Variants in WLS observed in about 807,000 individuals in gnomAD.
WLS encodes the protein Wnt ligand secretion mediator, also known as protein wntless homolog.
Under a neutral mutation model 62.8 loss-of-function variants are expected in WLS, and 23 were observed. The observed-to-expected ratio is 0.37, with a 90% CI of 0.26 to 0.52. The LOEUF is 0.52. Among genes scored for constraint, WLS ranks in the 20% least tolerant of loss-of-function variants. The pLI, the probability that WLS is intolerant of heterozygous loss-of-function variation, is 0.92. For synonymous variants in WLS, 246 were observed against 244.1 expected (o/e 1.01, Z -0.07); for missense variants, 615 against 697.3 (o/e 0.88, Z 1.33).
intron 5 of WLS, among the ~76,000 whole-genome samples, chr1:68,152,127 G>C (rs1302338362): frequency 2.6e-5 from 4 of 152,204 alleles, no homozygotes; most frequent in African/African-American, 9.6e-5. Context: ...GCCTTTTACT[G>C]AAATGGGGAT....
At chr1:68,113,028 A>G (rs1341459663) in intron 11 of WLS, among the ~76,000 whole-genome samples, 2 of 152,160 alleles carry the variant, frequency 1.3e-5, no homozygotes, top group Non-Finnish European at 1.5e-5. Flanking sequence ...CCTTGGCCCC[A>G]TCTTAAAGAA....
At chr1:68,146,119 A>T in intron 8 of WLS, 107 bp from the exon 9 acceptor site, 1 of 1,308,078 alleles carries the variant, frequency 7.6e-7, no homozygotes, top group South Asian at 1.5e-5. Context: ...GTCTCCAAAT[A>T]TGTAGAAAAT....
At chr1:68,189,765 G>A (rs951823693) in intron 2 of WLS, among the ~76,000 whole-genome samples, 2 of 152,156 alleles carry the variant, frequency 1.3e-5, no homozygotes, top group African/African-American at 4.8e-5. Flanking sequence ...TGGGTGCAGT[G>A]GCTCACACCT....
At chr1:68,118,898 A>T in intron 11 of WLS, among the ~76,000 whole-genome samples, 1 of 147,620 alleles carries the variant, frequency 6.8e-6, no homozygotes, top group African/African-American at 2.5e-5. Context: ...AAAAAAAAAA[A>T]AAAAGCACCT....
intron 11 of WLS, among the ~76,000 whole-genome samples, chr1:68,133,937 C>T (rs1487760413): frequency 1.3e-5 from 2 of 152,210 alleles, no homozygotes; most frequent in Non-Finnish European, 2.9e-5. Context: ...GCCCCACACA[C>T]CTGGGATTCA....
At chr1:68,220,948 T>C (rs1381518773) in intron 1 of WLS, among the ~76,000 whole-genome samples, 2 of 152,084 alleles carry the variant, frequency 1.3e-5, no homozygotes, top group African/African-American at 4.8e-5. Context: ...TGCTCATCGA[T>C]CTCCTAAACT....
chr1:68,216,511 C>G (rs1051738401), intron 1 of WLS, among the ~76,000 whole-genome samples: 2 of 152,240 alleles, frequency 1.3e-5, no homozygotes, highest in Non-Finnish European at 2.9e-5. Flanking sequence ...TCTGGCTCCT[C>G]CATTACCCTC....
chr1:68,119,152 G>A (rs1289232822), intron 11 of WLS, among the ~76,000 whole-genome samples: 2 of 151,920 alleles, frequency 1.3e-5, no homozygotes, highest in Non-Finnish European at 2.9e-5. Flanking sequence ...TCATGTTATA[G>A]AAGACAACAC....
intron 11 of WLS, among the ~76,000 whole-genome samples, chr1:68,128,816 A>G (rs1306416565): frequency 6.6e-6 from 1 of 152,184 alleles, no homozygotes; most frequent in Non-Finnish European, 1.5e-5. Context: ...CATCACTCCC[A>G]TTCTGCCGAT....
At chr1:68,183,786 C>G (rs1647737675) in intron 2 of WLS, among the ~76,000 whole-genome samples, 1 of 152,088 alleles carries the variant, frequency 6.6e-6, no homozygotes, top group Non-Finnish European at 1.5e-5. Context: ...TCCCAGGACA[C>G]TCAGCCATCT....
intron 1 of WLS, among the ~76,000 whole-genome samples, chr1:68,212,220 A>G (rs1468364370): frequency 6.6e-6 from 1 of 152,222 alleles, no homozygotes; most frequent in East Asian, 1.9e-4. Context: ...ACAGGACCTC[A>G]TCTCGACAAA....
At chr1:68,112,555 G>T (rs1300131767) in intron 11 of WLS, among the ~76,000 whole-genome samples, 1 of 152,102 alleles carries the variant, frequency 6.6e-6, no homozygotes, top group Admixed American at 6.5e-5. Flanking sequence ...CCCAAATAAT[G>T]CTTGTGAAGT....
chr1:68,136,798 A>C (rs965694820), intron 11 of WLS, among the ~76,000 whole-genome samples: 8 of 152,196 alleles, frequency 5.3e-5, no homozygotes, highest in Non-Finnish European at 8.8e-5. Flanking sequence ...CAGAATGTGC[A>C]ATCCACTCAT....
At chr1:68,099,680 C>CACAAATGAAAAAA in intron 11 of WLS, 1 of 152,058 alleles carries the variant, frequency 6.6e-6, no homozygotes, top group South Asian at 2.1e-4. Flanking sequence ...AGTTGTTATA[C>CACAAATGAAAAAA]TATATTTTTT....
chr1:68,227,051 G>A (rs1650178080), intron 1 of WLS, among the ~76,000 whole-genome samples: 1 of 152,124 alleles, frequency 6.6e-6, no homozygotes, highest in Admixed American at 6.5e-5. Context: ...AACAGGAAAA[G>A]GGAAAGTTCG....
intron 1 of WLS, among the ~76,000 whole-genome samples, chr1:68,231,037 AC>A (rs1650389537): frequency 6.6e-6 from 1 of 152,106 alleles, no homozygotes; most frequent in Non-Finnish European, 1.5e-5. Flanking sequence ...GCAAAGTTTA[AC>A]AAAGCCGTGA....
chr1:68,181,425 C>T (rs772884192), intron 2 of WLS, among the ~76,000 whole-genome samples: 1 of 152,198 alleles, frequency 6.6e-6, no homozygotes, highest in Non-Finnish European at 1.5e-5. Context: ...GGAAATGAGA[C>T]ACGTGGGTGA....
intron 11 of WLS, among the ~76,000 whole-genome samples, chr1:68,129,627 A>G (rs772551576): frequency 6.6e-6 from 1 of 152,130 alleles, no homozygotes; most frequent in Non-Finnish European, 1.5e-5. Context: ...TTGAAGGCCA[A>G]CTGTTCCCCC....
intron 11 of WLS, among the ~76,000 whole-genome samples, chr1:68,110,651 ATCTCTGTCTC>A (rs56772920): frequency 0.07 from 8,798 of 126,168 alleles, 329 homozygotes; most frequent in African/African-American, 0.13. Context: ...GCCCCCAAAA[ATCTCTGTCTC>A]TCTCTCTCTC....
Sources: allele counts gnomAD v4.1 joint callset (sites outside exome capture counted in the v4.1 genomes callset), GRCh38; gene constraint gnomAD v4.1.1; transcripts MANE v1.5; gene names NCBI Gene and HGNC (gene_info 2026-07-23, HGNC 2026-07-21).